The following RPAP2 variants were observed in gnomAD, a reference collection of about 807,000 sequenced individuals.
RPAP2 encodes the protein RNA polymerase II associated protein 2.
In RPAP2, 52 loss-of-function variants were observed where a neutral mutation model predicts 73.1. That is an observed-to-expected ratio of 0.71 (90% CI 0.57 to 0.90). The LOEUF (loss-of-function observed/expected upper bound fraction) is 0.90. Among genes scored for constraint, RPAP2 ranks in the 40% least tolerant of loss-of-function variants. RPAP2 has a pLI of 0.00. For missense variants in RPAP2, 598 were observed against 701.8 expected (o/e 0.85, Z 1.67); for synonymous variants, 225 against 242.1 (o/e 0.93, Z 0.65).
intron 11 of RPAP2, among the ~76,000 whole-genome samples, chr1:92,346,411 G>A (rs941473050): frequency 6.6e-6 from 1 of 151,988 alleles, no homozygotes; most frequent in African/African-American, 2.4e-5. Flanking sequence ...AGAGCCACCT[G>A]CCTCTACCTC....
In RPAP2 at chr1:92,396,230, C is replaced by T. The variant is rs1656179678; in HGVS notation, c.*9219C>T. 2.0e-5 allele frequency: 3 copies of T among 151,064 alleles called. No individual in the cohort carries two copies. The South Asian group carries it at 6.3e-4, about 32-fold the overall frequency. 9.4% of individuals were successfully genotyped at this position (151,064 alleles called of 1,614,324 possible). On this transcript the variant is annotated 3_prime_UTR_variant, in exon 13 of 13. Coordinates refer to ENST00000610020, the MANE Select transcript of RPAP2 (RefSeq NM_024813.3). Reference sequence around the variant, plus strand: ...TTTTTTTTTTTAAGAGATGAGGCCTCACTATGTTGCATACTCTGAAGTCAA... The same window carrying T: ...TTTTTTTTTTTAAGAGATGAGGCCTTACTATGTTGCATACTCTGAAGTCAA...
At chr1:92,315,865 G>A (rs1157373437) in intron 6 of RPAP2, among the ~76,000 whole-genome samples, 1 of 152,158 alleles carries the variant, frequency 6.6e-6, no homozygotes, top group African/African-American at 2.4e-5. Flanking sequence ...CCCTGTTAGA[G>A]ACAAAACATT....
intron 8 of RPAP2, among the ~76,000 whole-genome samples, chr1:92,326,413 A>T (rs1403745878): frequency 6.6e-6 from 1 of 152,058 alleles, no homozygotes; most frequent in African/African-American, 2.4e-5. Flanking sequence ...TGGTTGTTTA[A>T]TGTACTATTT....
intron 12 of RPAP2, among the ~76,000 whole-genome samples, chr1:92,381,758 T>C (rs1655647149): frequency 6.6e-6 from 1 of 150,918 alleles, no homozygotes; most frequent in African/African-American, 2.5e-5. Flanking sequence ...TCATTTATTT[T>C]ATTATTTTTT....
intron 12 of RPAP2, among the ~76,000 whole-genome samples, chr1:92,382,435 T>C (rs1655684008): frequency 6.6e-6 from 1 of 152,142 alleles, no homozygotes; most frequent in South Asian, 2.1e-4. Flanking sequence ...GCACCTGTTG[T>C]TTCCTGACTT....
chr1:92,371,906 A>C (rs1445129348), intron 11 of RPAP2, among the ~76,000 whole-genome samples: 1 of 151,152 alleles, frequency 6.6e-6, no homozygotes, highest in Non-Finnish European at 1.5e-5. Context: ...AAAAAAAAAA[A>C]AACCAGAAAA....
At chr1:92,364,181 C>G (rs893389927) in intron 11 of RPAP2, among the ~76,000 whole-genome samples, 1 of 152,112 alleles carries the variant, frequency 6.6e-6, no homozygotes, top group African/African-American at 2.4e-5. Context: ...GTAGTGGTAT[C>G]GACCTTCAGG....
intron 9 of RPAP2, among the ~76,000 whole-genome samples, chr1:92,335,039 A>T (rs776745738): frequency 6.6e-6 from 1 of 152,094 alleles, no homozygotes; most frequent in Non-Finnish European, 1.5e-5. Flanking sequence ...GCTACTACTC[A>T]GGAGGCTGAA....
At chr1:92,337,302 G>T (rs1303683590) in intron 10 of RPAP2, among the ~76,000 whole-genome samples, 1 of 152,094 alleles carries the variant, frequency 6.6e-6, no homozygotes. Context: ...TCAGCTGTTA[G>T]ATTTCTCTTG....
At chr1:92,373,011 T>C (rs1655216790) in intron 11 of RPAP2, among the ~76,000 whole-genome samples, 1 of 152,244 alleles carries the variant, frequency 6.6e-6, no homozygotes, top group African/African-American at 2.4e-5. Context: ...CTTCAACAAG[T>C]AATTATTGAT....
At chr1:92,319,100 G>C (rs1233604105) in intron 6 of RPAP2, among the ~76,000 whole-genome samples, 1 of 152,164 alleles carries the variant, frequency 6.6e-6, no homozygotes, top group Non-Finnish European at 1.5e-5. Flanking sequence ...GGAGATTCAA[G>C]GGATTAGCCT....
At chr1:92,374,693 T>C (rs1409526947) in intron 11 of RPAP2, among the ~76,000 whole-genome samples, 1 of 152,216 alleles carries the variant, frequency 6.6e-6, no homozygotes, top group Non-Finnish European at 1.5e-5. Flanking sequence ...GATTCATCTA[T>C]GCAAGGAGAC....
chr1:92,323,390 C>T (rs1178291445), intron 7 of RPAP2, 55 bp from the exon 8 acceptor site: 60 of 1,273,352 alleles, frequency 4.7e-5, no homozygotes, highest in Admixed American at 1.6e-4. Context: ...CTATTGTTTT[C>T]GGGTTTTATT....
chr1:92,321,487 T>C (rs1364268770), intron 7 of RPAP2, among the ~76,000 whole-genome samples: 1 of 151,982 alleles, frequency 6.6e-6, no homozygotes, highest in Non-Finnish European at 1.5e-5. Flanking sequence ...TTTTTTTCTT[T>C]ACATTTCCCC....
chr1:92,310,636 G>A (rs1037596077), intron 6 of RPAP2, among the ~76,000 whole-genome samples: 1 of 151,948 alleles, frequency 6.6e-6, no homozygotes, highest in Admixed American at 6.6e-5. Context: ...GGTGACTCAC[G>A]CCCGTAATCC....
chr1:92,321,395 G>A (rs1402812681), intron 7 of RPAP2, among the ~76,000 whole-genome samples: 2 of 152,050 alleles, frequency 1.3e-5, no homozygotes, highest in Non-Finnish European at 2.9e-5. Context: ...CTAAAAGATG[G>A]TATCTAAGAC....
chr1:92,350,897 A>C (rs964109797), intron 11 of RPAP2, among the ~76,000 whole-genome samples: 2 of 152,056 alleles, frequency 1.3e-5, no homozygotes, highest in Admixed American at 6.6e-5. Flanking sequence ...GCACCACTGC[A>C]CTCCAGCCTG....
intron 3 of RPAP2, among the ~76,000 whole-genome samples, chr1:92,302,590 A>ATTTTTTTTTTTTTTTTTTT (rs36067595): frequency 1.3e-5 from 1 of 74,316 alleles, no homozygotes; most frequent in Non-Finnish European, 2.3e-5. Context: ...TCCGCATTAA[A>ATTTTTTTTTTTTTTTTTTT]TTTTTTTTTT....
intron 11 of RPAP2, among the ~76,000 whole-genome samples, chr1:92,376,057 G>A (rs1655376340): frequency 6.6e-6 from 1 of 150,740 alleles, no homozygotes; most frequent in African/African-American, 2.4e-5. Flanking sequence ...CATCTGCTTT[G>A]AACACCTATG....
Sources: gnomAD v4.1 joint callset for allele counts (sites outside exome capture counted in the v4.1 genomes callset) on GRCh38, gnomAD v4.1.1 for gene constraint, MANE v1.5 for transcripts, NCBI Gene and HGNC (gene_info 2026-07-23, HGNC 2026-07-21) for gene names.